The following CHM variants were observed in gnomAD, a reference collection of about 807,000 sequenced individuals.
CHM encodes CHM Rab escort protein.
Under a neutral mutation model 49.0 loss-of-function variants are expected in CHM, and 10 were observed. The ratio of observed to expected loss-of-function variants is 0.20; its 90% CI spans 0.13 to 0.35. The LOEUF (loss-of-function observed/expected upper bound fraction) is 0.35. Among genes scored for constraint, CHM ranks in the 10% least tolerant of loss-of-function variants. The pLI is 1.00. For missense variants in CHM, 455 were observed against 478.4 expected, an observed-to-expected ratio of 0.95 and a Z score of 0.46; for synonymous variants, 184 against 167.5, an observed-to-expected ratio of 1.10 and a Z score of -0.76.
intron 5 of CHM, among the ~76,000 whole-genome samples, chrX:85,960,614 C>G (rs1370625914): frequency 2.7e-5 from 3 of 109,834 alleles, no homozygotes; most frequent in African/African-American, 6.6e-5. Context: ...TAGTAGCACA[C>G]AGGGTTTCAC....
chrX:86,023,899 G>A (rs914988224), intron 2 of CHM, among the ~76,000 whole-genome samples: 1 of 111,861 alleles, frequency 8.9e-6, no homozygotes, highest in Non-Finnish European at 1.9e-5. Flanking sequence ...TGTGCTAGGT[G>A]CTGGAGATAC....
intron 14 of CHM, among the ~76,000 whole-genome samples, chrX:85,868,109 C>G (rs1484809341): frequency 9.1e-6 from 1 of 109,870 alleles, no homozygotes; most frequent in African/African-American, 3.3e-5. Context: ...TTGAAGAATC[C>G]TGTCATTTAT....
At chrX:85,877,789 C>A (rs764402506) in intron 13 of CHM, among the ~76,000 whole-genome samples, 2 of 109,962 alleles carry the variant, frequency 1.8e-5, no homozygotes, top group Non-Finnish European at 3.8e-5. Flanking sequence ...TGTAAATAAA[C>A]CCCCCTCTAT....
chrX:85,993,594 C>T (rs1603273262), intron 2 of CHM, among the ~76,000 whole-genome samples: 1 of 112,022 alleles, frequency 8.9e-6, no homozygotes, highest in African/African-American at 3.2e-5. Flanking sequence ...TGTTTAATGG[C>T]TCACTAATGT....
At chrX:85,900,848 G>C (rs769451410) in intron 10 of CHM, 139 bp from the exon 11 acceptor site, 5 of 553,033 alleles carry the variant, frequency 9.0e-6, no homozygotes, top group Middle Eastern at 3.3e-4. Context: ...AGTCAAGTTC[G>C]GCTTTAATCT....
At chrX:85,998,021 T>A (rs1932521084) in intron 2 of CHM, among the ~76,000 whole-genome samples, 1 of 111,527 alleles carries the variant, frequency 9.0e-6, no homozygotes, top group Admixed American at 9.5e-5. Flanking sequence ...CAAGCTACAC[T>A]TTGAAATGAC....
chrX:85,935,302 G>A (rs1936329363), intron 8 of CHM, among the ~76,000 whole-genome samples: 1 of 111,633 alleles, frequency 9.0e-6, no homozygotes, highest in Middle Eastern at 4.6e-3. Context: ...CCACCCCCAT[G>A]TCCCTAACAC....
chrX:85,998,680 T>G (rs914327816), intron 2 of CHM, among the ~76,000 whole-genome samples: 8 of 111,523 alleles, frequency 7.2e-5, no homozygotes, highest in African/African-American at 2.3e-4. Context: ...TGTGACTGGC[T>G]GTCACTACCC....
chrX:86,004,117 T>G (rs1377257969), intron 2 of CHM, among the ~76,000 whole-genome samples: 1 of 111,762 alleles, frequency 8.9e-6, no homozygotes, highest in Admixed American at 9.5e-5. Context: ...TCAACATTCT[T>G]AAACGAAAGA....
chrX:86,024,671 A>G (rs1933733864), intron 2 of CHM, among the ~76,000 whole-genome samples: 1 of 112,319 alleles, frequency 8.9e-6, no homozygotes, highest in South Asian at 3.7e-4. Flanking sequence ...ATGGAGAGCT[A>G]TTAAAGTTAG....
At chrX:85,970,331 A>T in intron 4 of CHM, 1 of 746,702 alleles carries the variant, frequency 1.3e-6, no homozygotes, top group Non-Finnish European at 1.6e-6. Context: ...TTCTCATTAC[A>T]GATATAACTA....
At chrX:85,958,660 T>A (rs761322724) in intron 6 of CHM, among the ~76,000 whole-genome samples, 4 of 111,755 alleles carry the variant, frequency 3.6e-5, no homozygotes, top group Non-Finnish European at 7.5e-5. Flanking sequence ...TGCTGCTTGG[T>A]ACCAACACCA....
At chrX:85,940,836 T>C (rs747816617) in intron 8 of CHM, among the ~76,000 whole-genome samples, 1 of 111,397 alleles carries the variant, frequency 9.0e-6, no homozygotes, top group East Asian at 2.8e-4. Flanking sequence ...TTCCTATAAC[T>C]TCAGCAAAGT....
At chrX:86,003,954 C>A (rs1213789304) in intron 2 of CHM, among the ~76,000 whole-genome samples, 3 of 111,361 alleles carry the variant, frequency 2.7e-5, no homozygotes, top group East Asian at 2.8e-4. Context: ...CCAAGACATA[C>A]AATTGTCAGA....
At chrX:86,046,837 C>A (rs914364670) in intron 1 of CHM, among the ~76,000 whole-genome samples, 3 of 111,483 alleles carry the variant, frequency 2.7e-5, no homozygotes, top group African/African-American at 9.8e-5. Context: ...TTATTCTCAG[C>A]ACATTTAGTT....
chrX:85,883,177 T>G (rs774952350), intron 12 of CHM, among the ~76,000 whole-genome samples: 1 of 111,556 alleles, frequency 9.0e-6, no homozygotes, highest in Non-Finnish European at 1.9e-5. Context: ...CAGCAGTCAT[T>G]CACTCTATAC....
At chrX:86,007,533 G>A (rs1603277319) in intron 2 of CHM, among the ~76,000 whole-genome samples, 1 of 111,672 alleles carries the variant, frequency 9.0e-6, no homozygotes, top group Non-Finnish European at 1.9e-5. Flanking sequence ...CTAATATCCA[G>A]AATCTACAAA....
chrX:85,928,554 A>C (rs2148191235), intron 8 of CHM, among the ~76,000 whole-genome samples: 1 of 112,335 alleles, frequency 8.9e-6, no homozygotes, highest in Admixed American at 9.4e-5. Context: ...AAAAATAAAT[A>C]AATAAAATAA....
At chrX:85,961,499 C>T (rs1043157625) in intron 5 of CHM, among the ~76,000 whole-genome samples, 1 of 103,436 alleles carries the variant, frequency 9.7e-6, no homozygotes, top group Non-Finnish European at 1.9e-5. Context: ...TAAACTTAGA[C>T]GTTTATTAAC....
Sources: gnomAD v4.1 joint callset for allele counts (sites outside exome capture counted in the v4.1 genomes callset) on GRCh38, gnomAD v4.1.1 for gene constraint, MANE v1.5 for transcripts, NCBI Gene and HGNC (gene_info 2026-07-23, HGNC 2026-07-21) for gene names.